PITPNM3: variants seen among roughly 807,000 people sequenced by gnomAD.
The protein encoded by PITPNM3 is PITPNM family member 3, also known as membrane-associated phosphatidylinositol transfer protein 3.
Under a neutral mutation model 102.0 loss-of-function variants are expected in PITPNM3, and 26 were observed. The observed-to-expected ratio is 0.25, with a 90% CI of 0.19 to 0.35. The LOEUF is 0.35. Ranked by LOEUF, PITPNM3 falls within the 10% of genes least tolerant of loss-of-function variation. PITPNM3 has a pLI of 1.00. For synonymous variants in PITPNM3, 578 were observed against 558.6 expected (o/e 1.03, Z -0.49); for missense variants, 1,083 against 1,346.1 (o/e 0.80, Z 3.06).
In PITPNM3 at chr17:6,471,207, C is replaced by G. The variant is rs779269532; in HGVS notation, c.1578G>C (p.Glu526Asp). ...CCATGCTGTCCGAGGACTCCGAGCT[C>G]TCGCTGTGGGAGCTCCCCTCGCTCA... ...RRMSEGSSHSESSESSDSMAP... is the reference protein window; with the variant it reads ...RRMSEGSSHSDSSESSDSMAP... The change falls in exon 12 of 20, where the codon GAG becomes GAC. Residue 526 changes from glutamate to aspartate, a missense_variant. This residue lies in a region of PITPNM3 where 410 missense variants were observed against 638.4 expected (regional missense o/e 0.64). Transcript: ENST00000262483. 3 of 1,613,298 alleles carry G rather than the reference C, an allele frequency of 1.9e-6. No individual in the cohort carries two copies. Among genetic ancestry groups the G allele is most frequent in the Non-Finnish European group, 2.5e-6 (3 of 1,180,006 alleles).
chr17:6,543,106 C>A (rs946142418), intron 1 of PITPNM3, among the ~76,000 whole-genome samples: 17 of 152,154 alleles, frequency 1.1e-4, no homozygotes, highest in African/African-American at 3.1e-4. Context: ...TAGAGAGAAA[C>A]AAATGACCCT....
At chr17:6,533,029 C>G (rs911515250) in intron 2 of PITPNM3, among the ~76,000 whole-genome samples, 2 of 152,176 alleles carry the variant, frequency 1.3e-5, no homozygotes, top group Admixed American at 6.5e-5. Flanking sequence ...ATGGCGCGAT[C>G]TCAGCTCATC....
chr17:6,488,812 T>C (rs1007304909), intron 4 of PITPNM3, among the ~76,000 whole-genome samples: 2 of 152,166 alleles, frequency 1.3e-5, no homozygotes, highest in African/African-American at 4.8e-5. Flanking sequence ...ACCTCATCAT[T>C]AGGCTGCCTG....
At chr17:6,490,913 G>A (rs1487464137) in intron 4 of PITPNM3, among the ~76,000 whole-genome samples, 2 of 141,264 alleles carry the variant, frequency 1.4e-5, no homozygotes, top group Non-Finnish European at 3.0e-5. Flanking sequence ...AGTGAGCCGA[G>A]ATGGCCCCAC....
chr17:6,520,247 C>A (rs1035154907), intron 3 of PITPNM3, among the ~76,000 whole-genome samples: 3 of 152,162 alleles, frequency 2.0e-5, no homozygotes, highest in Non-Finnish European at 4.4e-5. Flanking sequence ...TAACTTAATC[C>A]ATGGTTGGTG....
In PITPNM3 at chr17:6,451,406, C is replaced by T. The variant is rs981964566; in HGVS notation, c.*3932G>A. 6.6e-6 allele frequency: 1 copy of T among 152,188 alleles called. No homozygotes were observed. The highest frequency in any genetic ancestry group is 2.4e-5 in the African/African-American group (1 of 41,432). The allele number at this position is 152,188 out of a possible 1,614,324, so 9.4% of individuals were successfully genotyped here. ...TTAGAAATCTGATATCTTACATTAGCGTTTCTAACGGATTTTGTACAAGGC... is the reference window on the plus strand; with the variant it reads ...TTAGAAATCTGATATCTTACATTAGTGTTTCTAACGGATTTTGTACAAGGC... On this transcript the variant is annotated 3_prime_UTR_variant, in exon 20 of 20. Transcript: ENST00000262483.
chr17:6,463,097 G>A (rs934887508), intron 17 of PITPNM3, among the ~76,000 whole-genome samples: 10 of 152,100 alleles, frequency 6.6e-5, no homozygotes, highest in East Asian at 5.8e-4. Flanking sequence ...CTGTTCTTAC[G>A]GAGCTGCTGG....
Position 6,478,939 on chromosome 17 carries a change from C to T in PITPNM3, c.588-203G>A. The T allele has an allele frequency of 1.6e-6, 1 of 606,966 alleles. No individual in the cohort carries two copies. Among genetic ancestry groups the T allele is most frequent in the East Asian group, 2.8e-5 (1 of 36,060 alleles). The allele number at this position is 606,966 out of a possible 1,614,324, so 37.6% of individuals were successfully genotyped here. ...GGAAGAGGATTCAAGCCTACACTGACTCCCTGTGTGTCCTTCCCGTGCTGG... is the reference window on the plus strand; with the variant it reads ...GGAAGAGGATTCAAGCCTACACTGATTCCCTGTGTGTCCTTCCCGTGCTGG... On this transcript the variant is annotated intron_variant, in intron 6 of 19. Coordinates refer to ENST00000262483, the MANE Select transcript of PITPNM3 (RefSeq NM_031220.4). This position sits in a 1 kb window ranked among gnomAD's most constrained non-coding sequence, Gnocchi z 4.4.
At position 6,478,158 on chromosome 17, in the gene PITPNM3, C is replaced by T. The variant is rs1342838254; in HGVS notation, c.778-61G>A. ...ACTGCTGACCCCTCACCCCCACACC[C>T]GGCCAGAGCAGTGCTGCCTCCCCAC... On this transcript the variant is annotated intron_variant, in intron 7 of 19. Coordinates refer to ENST00000262483, the MANE Select transcript of PITPNM3 (RefSeq NM_031220.4). This position sits in a 1 kb window ranked among gnomAD's most constrained non-coding sequence, Gnocchi z 4.4. 6.2e-6 allele frequency: 10 copies of T among 1,606,492 alleles called. No homozygotes were observed. Among genetic ancestry groups the T allele is most frequent in the Admixed American group, 1.7e-5 (1 of 59,956 alleles).
intron 3 of PITPNM3, among the ~76,000 whole-genome samples, chr17:6,510,978 G>A (rs1907834879): frequency 6.6e-6 from 1 of 152,254 alleles, no homozygotes; most frequent in African/African-American, 2.4e-5. Flanking sequence ...GGGGGTGGAA[G>A]AGGAGGGGAG....
intron 11 of PITPNM3, 52 bp from the exon 12 acceptor site, chr17:6,471,407 G>A (rs779816250): frequency 2.8e-5 from 41 of 1,456,404 alleles, no homozygotes; most frequent in Non-Finnish European, 3.8e-5. Flanking sequence ...CAGCAGAGCT[G>A]CCCACTCAGT....
chr17:6,526,160 C>T (rs1908822858), intron 2 of PITPNM3, among the ~76,000 whole-genome samples: 1 of 152,188 alleles, frequency 6.6e-6, no homozygotes, highest in South Asian at 2.1e-4. Context: ...CTCCCCTCAA[C>T]CCTGTCTCTA....
chr17:6,513,019 T>C (rs1459336599), intron 3 of PITPNM3, among the ~76,000 whole-genome samples: 3 of 151,268 alleles, frequency 2.0e-5, no homozygotes, highest in South Asian at 2.1e-4. Context: ...TAACGTACCA[T>C]ATTGATAGAA....
At chr17:6,491,205 T>C (rs1313839020) in intron 4 of PITPNM3, among the ~76,000 whole-genome samples, 1 of 150,090 alleles carries the variant, frequency 6.7e-6, no homozygotes, top group Non-Finnish European at 1.5e-5. Context: ...GCATGTGGCA[T>C]AGATAGGGTC....
chr17:6,497,714 G>T (rs1906921833), intron 4 of PITPNM3, among the ~76,000 whole-genome samples: 1 of 152,210 alleles, frequency 6.6e-6, no homozygotes, highest in African/African-American at 2.4e-5. Flanking sequence ...CTCTGGAAAA[G>T]CCATGAGACG....
intron 6 of PITPNM3, chr17:6,480,172 A>C (rs1390625467): frequency 6.6e-6 from 1 of 152,226 alleles, no homozygotes; most frequent in Non-Finnish European, 1.5e-5. Context: ...TCGCAGTTTA[A>C]CAAGAATCAC....
intron 3 of PITPNM3, among the ~76,000 whole-genome samples, chr17:6,521,696 T>C (rs1908532835): frequency 6.6e-6 from 1 of 151,420 alleles, no homozygotes; most frequent in Non-Finnish European, 1.5e-5. Context: ...AAAAAATGTA[T>C]AATACACAGT....
chr17:6,555,759 C>A (rs11078638), intron 1 of PITPNM3, among the ~76,000 whole-genome samples: 1 of 151,992 alleles, frequency 6.6e-6, no homozygotes, highest in South Asian at 2.1e-4. Context: ...ACAGGCTACA[C>A]CGTCTGAGCC....
chr17:6,530,424 G>A (rs1417891236), intron 2 of PITPNM3, among the ~76,000 whole-genome samples: 2 of 152,192 alleles, frequency 1.3e-5, no homozygotes, highest in African/African-American at 2.4e-5. Flanking sequence ...AGAGGCACAA[G>A]CAGATTCCGC....
Sources: gnomAD v4.1 joint callset for allele counts (sites outside exome capture counted in the v4.1 genomes callset) on GRCh38, gnomAD v4.1.1 for gene constraint, gnomAD v4.1.1 regional missense constraint, Gnocchi (gnomAD v3.1) non-coding constraint, MANE v1.5 for transcripts, NCBI Gene and HGNC (gene_info 2026-07-23, HGNC 2026-07-21) for gene names.